MINK1: variants seen among roughly 807,000 people sequenced by gnomAD.
MINK1 encodes the protein misshapen-like kinase 1.
MINK1 carries 46 observed loss-of-function variants against 178.4 expected under a neutral mutation model. The observed-to-expected ratio is 0.26, with a 90% CI of 0.20 to 0.33. The LOEUF (loss-of-function observed/expected upper bound fraction) is 0.33, where lower values mean the gene tolerates loss of function less well. Among genes scored for constraint, MINK1 ranks in the 10% least tolerant of loss-of-function variants. MINK1 has a pLI of 1.00. For missense variants in MINK1, 1,366 were observed against 1,814.9 expected (o/e 0.75, Z 4.49); for synonymous variants, 797 against 709.7 (o/e 1.12, Z -1.96).
At chr17:4,862,131 A>G (rs1034266305) in intron 1 of MINK1, among the ~76,000 whole-genome samples, 2 of 151,706 alleles carry the variant, frequency 1.3e-5, no homozygotes, top group African/African-American at 4.8e-5. Context: ...TTAAATAGAG[A>G]TGTTGTGGTC....
rs568077376 is a variant in MINK1, at chr17:4,891,196, G to A, written c.1740+72G>A. 371 of 849,942 alleles carry A rather than the reference G, an allele frequency of 4.4e-4. No individual in the cohort carries two copies. The African/African-American group carries it at 4.8e-3, about 11-fold the overall frequency. 52.7% of individuals were successfully genotyped at this position (849,942 alleles called of 1,614,324 possible). A position where few individuals can be genotyped will look rare whatever the true frequency, so the allele number is the denominator to read the frequency against. On this transcript the variant is annotated intron_variant, in intron 15 of 31. Transcript: ENST00000355280. ...GTTCAGAGCACAGGTACACACACAC[G>A]CGCGCACACACACACACACACACAC... is the stretch of plus-strand genomic sequence containing the variant.
chr17:4,866,423 C>T (rs932823189), intron 1 of MINK1, among the ~76,000 whole-genome samples: 3 of 151,108 alleles, frequency 2.0e-5, no homozygotes, highest in South Asian at 2.1e-4. Flanking sequence ...GCCGAGATCG[C>T]GCCACTGAAC....
In MINK1 at chr17:4,887,893, T is replaced by C; in HGVS notation, c.1230+103T>C. 3.5e-6 allele frequency: 3 copies of C among 866,568 alleles called. No individual in the cohort carries two copies. Among genetic ancestry groups the C allele is most frequent in the Non-Finnish European group, 5.0e-6 (3 of 605,934 alleles). 53.7% of individuals were successfully genotyped at this position (866,568 alleles called of 1,614,324 possible). On this transcript the variant is annotated intron_variant, in intron 12 of 31. Coordinates refer to ENST00000355280, the MANE Select transcript of MINK1 (RefSeq NM_153827.5). The surrounding 1 kb of genome is among the most constrained non-coding windows in gnomAD (Gnocchi z 7.6). ...CAGGTTTTAAAATGCCTTAAATGAA[T>C]GGCATTTCTGTTGAAACAATTATAT...
chr17:4,850,517 T>C (rs559121796), intron 1 of MINK1, among the ~76,000 whole-genome samples: 3 of 82,226 alleles, frequency 3.6e-5, no homozygotes, highest in Non-Finnish European at 9.8e-5. Flanking sequence ...CCCTTCCTGC[T>C]GGCCCCCCCC....
chr17:4,885,135 C>T lies in MINK1; in HGVS notation c.508+133C>T. 1.2e-6 allele frequency: 1 copy of T among 821,744 alleles called. No individual in the cohort carries two copies. 50.9% of individuals were successfully genotyped at this position (821,744 alleles called of 1,614,324 possible). On this transcript the variant is annotated intron_variant, in intron 6 of 31. Transcript: ENST00000355280. This position sits in a 1 kb window ranked among gnomAD's most constrained non-coding sequence, Gnocchi z 5.0. Reference sequence around the variant, plus strand: ...GGAGGCTCACTCCCTCCCCTTTCCCCTCTCCCCCTGGAATGCCCTGCCTCC... The same window carrying T: ...GGAGGCTCACTCCCTCCCCTTTCCCTTCTCCCCCTGGAATGCCCTGCCTCC...
chr17:4,869,281 T>C (rs920985647), intron 1 of MINK1, among the ~76,000 whole-genome samples: 1 of 101,936 alleles, frequency 9.8e-6, no homozygotes, highest in East Asian at 2.1e-4. Flanking sequence ...TATTTATTTA[T>C]TTATTTATTT....
rs911563861 is a variant in MINK1 at position 4,886,726 on chromosome 17, C to T, written c.949+100C>T. On this transcript the variant is annotated intron_variant, in intron 10 of 31. Coordinates refer to ENST00000355280, the MANE Select transcript of MINK1 (RefSeq NM_153827.5). This position sits in a 1 kb window ranked among gnomAD's most constrained non-coding sequence, Gnocchi z 6.1. ...TCCTGGCACCCCTTCCTGCTCCCCTCCTTGGCCCCAGCTCTCCCTGTCCAA... is the reference window on the plus strand; with the variant it reads ...TCCTGGCACCCCTTCCTGCTCCCCTTCTTGGCCCCAGCTCTCCCTGTCCAA... 4 of 1,304,696 alleles carry T rather than the reference C, an allele frequency of 3.1e-6. No homozygotes were observed. The highest frequency in any genetic ancestry group is 2.7e-4 in the Middle Eastern group (1 of 3,750). 80.8% of individuals were successfully genotyped at this position (1,304,696 alleles called of 1,614,324 possible). A position where few individuals can be genotyped will look rare whatever the true frequency, so the allele number is the denominator to read the frequency against.
intron 13 of MINK1, 131 bp downstream of exon 13, chr17:4,889,894 TTCTC>T (rs952684807): frequency 1.2e-4 from 84 of 678,768 alleles, no homozygotes; most frequent in Middle Eastern, 8.3e-4. Flanking sequence ...GCTTCACTCT[TTCTC>T]TCTGTTTTCT....
At chr17:4,891,865 G>A in intron 16 of MINK1, 149 bp downstream of exon 16, 1 of 1,187,894 alleles carries the variant, frequency 8.4e-7, no homozygotes, top group African/African-American at 1.5e-5. Flanking sequence ...CAGCCGTCCA[G>A]CTGAGGACGC....
chr17:4,897,410 C>G lies in MINK1; in HGVS notation c.*123C>G, dbSNP rs921582890. 7.0e-6 allele frequency: 6 copies of G among 854,608 alleles called. No individual in the cohort carries two copies. The South Asian group carries it at 9.9e-5, about 14-fold the overall frequency. 52.9% of individuals were successfully genotyped at this position (854,608 alleles called of 1,614,324 possible). A position where few individuals can be genotyped will look rare whatever the true frequency, so the allele number is the denominator to read the frequency against. ...TTTTACTGGTTTGATTTCACTGGAG[C>G]CTGCTGGGAACGTGACCTCTGACCC... On this transcript the variant is annotated 3_prime_UTR_variant, in exon 32 of 32. Transcript: ENST00000355280.
rs2151083239 is a variant in MINK1, at chr17:4,896,917, A to G, written c.3915+104A>G. On this transcript the variant is annotated intron_variant, in intron 31 of 31. Coordinates refer to ENST00000355280, the MANE Select transcript of MINK1 (RefSeq NM_153827.5). The surrounding 1 kb of genome is among the most constrained non-coding windows in gnomAD (Gnocchi z 4.6). ...AGGATGGTGGTGGTGGCTTCCTGAA[A>G]GCGGGCCCCTCTGGGAGCTCAGAGG... is the stretch of plus-strand genomic sequence containing the variant. 3.5e-6 allele frequency: 5 copies of G among 1,430,260 alleles called. No individual in the cohort carries two copies. The highest frequency in any genetic ancestry group is 2.8e-5 in the Admixed American group (1 of 35,798). 88.6% of individuals were successfully genotyped at this position (1,430,260 alleles called of 1,614,324 possible).
chr17:4,879,213 A>G (rs1967474677), intron 2 of MINK1, among the ~76,000 whole-genome samples: 1 of 151,582 alleles, frequency 6.6e-6, no homozygotes, highest in African/African-American at 2.4e-5. Flanking sequence ...GAGCCGCTGC[A>G]GCAGGGAGTG....
At chr17:4,860,957 G>A (rs369714140) in intron 1 of MINK1, among the ~76,000 whole-genome samples, 21 of 152,282 alleles carry the variant, frequency 1.4e-4, no homozygotes, top group African/African-American at 4.6e-4. Context: ...GGGACAGCTC[G>A]TGCCCTCCCC....
At position 4,885,763 on chromosome 17, in the gene MINK1, G is replaced by A; in HGVS notation, c.640-148G>A. 1 of 1,395,490 alleles carries A rather than the reference G, an allele frequency of 7.2e-7. No individual in the cohort carries two copies. Among genetic ancestry groups the A allele is most frequent in the Non-Finnish European group, 9.8e-7 (1 of 1,017,500 alleles). 86.4% of individuals were successfully genotyped at this position (1,395,490 alleles called of 1,614,324 possible). On this transcript the variant is annotated intron_variant, in intron 7 of 31. Transcript: ENST00000355280. This position sits in a 1 kb window ranked among gnomAD's most constrained non-coding sequence, Gnocchi z 5.0. ...AACATCTTACGGCAAGGCAAGTGTG[G>A]GTGGGAAGATGGGATGGGTTGGAAG...
At position 4,896,129 on chromosome 17, in the gene MINK1, C is replaced by G; in HGVS notation, c.3465+26C>G. The G allele has an allele frequency of 6.2e-7, 1 of 1,606,840 alleles. No homozygotes were observed. Among genetic ancestry groups the G allele is most frequent in the Non-Finnish European group, 8.5e-7 (1 of 1,176,560 alleles). ...GTAATCCCAGCCTCGGTCCCTAACA[C>G]CATCTGGAGTCCCAGCGCCTCTCCC... On this transcript the variant is annotated intron_variant, in intron 28 of 31. Coordinates refer to ENST00000355280, the MANE Select transcript of MINK1 (RefSeq NM_153827.5). This position sits in a 1 kb window ranked among gnomAD's most constrained non-coding sequence, Gnocchi z 4.6.
Position 4,884,476 on chromosome 17 carries a change from G to A in MINK1, c.417+3G>A. On this transcript the variant is annotated splice_donor_region_variant and intron_variant, in intron 5 of 31. Coordinates refer to ENST00000355280, the MANE Select transcript of MINK1 (RefSeq NM_153827.5). ...ATATCTGCAGGGAGATCCTCAGGGT[G>A]AGCTCAAGGCCCCTCCCCTTGTCTT... 6.2e-7 allele frequency: 1 copy of A among 1,607,034 alleles called. No homozygotes were observed. The highest frequency in any genetic ancestry group is 1.1e-5 in the South Asian group (1 of 90,938).
rs535250839 is a variant in MINK1, at chr17:4,886,026, G to A, written c.694+61G>A. The A allele has an allele frequency of 6.6e-5, 107 of 1,609,676 alleles. No individual in the cohort carries two copies. Among genetic ancestry groups the A allele is most frequent in the Non-Finnish European group, 7.7e-5 (90 of 1,176,064 alleles). On this transcript the variant is annotated intron_variant, in intron 8 of 31. Coordinates refer to ENST00000355280, the MANE Select transcript of MINK1 (RefSeq NM_153827.5). The surrounding 1 kb of genome is among the most constrained non-coding windows in gnomAD (Gnocchi z 6.1). ...GAAAGGAAGGGCCCAGAGAGTGGCTGTAGGGAGGAGGTGGGTCCTGGGACC... is the reference window on the plus strand; with the variant it reads ...GAAAGGAAGGGCCCAGAGAGTGGCTATAGGGAGGAGGTGGGTCCTGGGACC...
chr17:4,843,113 C>T (rs1910499108), intron 1 of MINK1, among the ~76,000 whole-genome samples: 1 of 152,140 alleles, frequency 6.6e-6, no homozygotes, highest in Non-Finnish European at 1.5e-5. Flanking sequence ...CAAGGTCATT[C>T]CTCACAGTGG....
chr17:4,854,786 C>T (rs1455273131), intron 1 of MINK1: 4 of 492,332 alleles, frequency 8.1e-6, no homozygotes, highest in Non-Finnish European at 1.6e-5. Context: ...AAGTACTTCA[C>T]GTTGTGGATT....
Sources: allele counts gnomAD v4.1 joint callset (sites outside exome capture counted in the v4.1 genomes callset), GRCh38; gene constraint gnomAD v4.1.1; non-coding constraint Gnocchi (gnomAD v3.1); transcripts MANE v1.5; gene names NCBI Gene and HGNC (gene_info 2026-07-23, HGNC 2026-07-21).